SH3RF3: variants seen among roughly 807,000 people sequenced by gnomAD.
SH3RF3 encodes SH3 domain containing ring finger 3, also known as E3 ubiquitin-protein ligase SH3RF3.
Under a neutral mutation model 66.3 loss-of-function variants are expected in SH3RF3, and 29 were observed. The observed-to-expected ratio is 0.44, with a 90% CI of 0.33 to 0.60. The LOEUF (loss-of-function observed/expected upper bound fraction) is 0.60. SH3RF3 is among the 20% of genes least tolerant of loss of function. The pLI is 0.04. For synonymous variants in SH3RF3, 583 were observed against 532.0 expected (o/e 1.10, Z -1.32); for missense variants, 1,194 against 1,190.9 (o/e 1.00, Z -0.04).
intron 9 of SH3RF3, among the ~76,000 whole-genome samples, chr2:109,493,642 A>G (rs1254211139): frequency 1.3e-5 from 2 of 151,634 alleles, no homozygotes; most frequent in Admixed American, 1.3e-4. Context: ...TGCTGCAAAC[A>G]CACACCATAC....
chr2:109,184,023 GT>G (rs1179452590), intron 1 of SH3RF3, among the ~76,000 whole-genome samples: 11 of 152,236 alleles, frequency 7.2e-5, no homozygotes, highest in Admixed American at 7.2e-4. Context: ...GAGTGACACG[GT>G]GTGTGTTGAG....
chr2:109,277,456 C>T (rs576179321), intron 1 of SH3RF3, among the ~76,000 whole-genome samples: 2 of 152,194 alleles, frequency 1.3e-5, no homozygotes, highest in African/African-American at 2.4e-5. Context: ...TAGTATCTCC[C>T]GTGAAGAGTC....
intron 5 of SH3RF3, among the ~76,000 whole-genome samples, chr2:109,422,956 G>C (rs1331312006): frequency 6.6e-6 from 1 of 152,114 alleles, no homozygotes; most frequent in Admixed American, 6.5e-5. Context: ...AGACCGACAC[G>C]CCTGGGTCTG....
intron 1 of SH3RF3, among the ~76,000 whole-genome samples, chr2:109,300,814 A>G (rs989533940): frequency 4.6e-5 from 7 of 152,286 alleles, no homozygotes; most frequent in Admixed American, 3.9e-4. Flanking sequence ...CTAGAGTGTC[A>G]TTACCACAGT....
intron 1 of SH3RF3, among the ~76,000 whole-genome samples, chr2:109,332,175 C>T (rs139235446): frequency 4.6e-5 from 7 of 152,258 alleles, no homozygotes; most frequent in South Asian, 2.1e-4. Flanking sequence ...GAAGCATCTG[C>T]GGCCCGGAGC....
rs375235077 is a variant in SH3RF3 at position 109,347,972 on chromosome 2, C to T, written c.849+23C>T. The T allele has an allele frequency of 3.8e-6, 6 of 1,576,576 alleles. No homozygotes were observed. In the African/African-American group the frequency reaches 8.1e-5, roughly 21 times the overall value. ...AAGGTAAGGTGAGCCCCGGGGTGGG[C>T]CCCGCCAGCCCATGCAGCCTCTGTG... On this transcript the variant is annotated intron_variant, in intron 2 of 9. Transcript: ENST00000309415.
intron 7 of SH3RF3, among the ~76,000 whole-genome samples, chr2:109,448,655 C>T (rs2104631167): frequency 6.6e-6 from 1 of 152,238 alleles, no homozygotes; most frequent in South Asian, 2.1e-4. Context: ...GCTCAGGGGT[C>T]CTACTGATTC....
chr2:109,187,948 C>A (rs1221707463), intron 1 of SH3RF3, among the ~76,000 whole-genome samples: 1 of 152,190 alleles, frequency 6.6e-6, no homozygotes, highest in Non-Finnish European at 1.5e-5. Context: ...CTCAGAGCAG[C>A]CCGTCTTTGG....
chr2:109,130,099 G>T lies in SH3RF3; in HGVS notation c.559G>T (p.Ala187Ser). ...SLRELATSRTAPAAKNPCLLP... is the reference protein window; with the variant it reads ...SLRELATSRTSPAAKNPCLLP... ...GCGGGAGCTGGCGACCAGCAGGACC[G>T]CGCCGGCGGCAAAGGTGAGTATCTG... is the stretch of plus-strand genomic sequence containing the variant. Residue 187 changes from alanine to serine, a missense_variant, in exon 1 of 10, where the codon GCG becomes TCG. Ala to Ser is a moderately conservative substitution (Grantham distance 99). Coordinates refer to ENST00000309415, the MANE Select transcript of SH3RF3 (RefSeq NM_001099289.3). 7.5e-7 allele frequency: 1 copy of T among 1,335,324 alleles called. No homozygotes were observed. Among genetic ancestry groups the T allele is most frequent in the Non-Finnish European group, 9.6e-7 (1 of 1,046,942 alleles). 82.7% of individuals were successfully genotyped at this position (1,335,324 alleles called of 1,614,324 possible). A position where few individuals can be genotyped will look rare whatever the true frequency, so the allele number is the denominator to read the frequency against.
chr2:109,423,664 C>G (rs1254562067), intron 5 of SH3RF3, among the ~76,000 whole-genome samples: 2 of 152,220 alleles, frequency 1.3e-5, no homozygotes, highest in Non-Finnish European at 2.9e-5. Context: ...GTACTGCCCC[C>G]AAGAGGTGTC....
At chr2:109,251,749 T>C (rs1680097271) in intron 1 of SH3RF3, 1 of 618,638 alleles carries the variant, frequency 1.6e-6, no homozygotes, top group Non-Finnish European at 2.9e-6. Context: ...ATTAGACTTT[T>C]TGTTAAATAA....
intron 1 of SH3RF3, among the ~76,000 whole-genome samples, chr2:109,255,978 C>T (rs1194684878): frequency 6.6e-6 from 1 of 152,220 alleles, no homozygotes; most frequent in African/African-American, 2.4e-5. Flanking sequence ...CACCTGTCCC[C>T]TGAGGAAGAT....
At chr2:109,434,048 C>G (rs940944904) in intron 6 of SH3RF3, among the ~76,000 whole-genome samples, 9 of 152,208 alleles carry the variant, frequency 5.9e-5, no homozygotes, top group Non-Finnish European at 1.2e-4. Context: ...AACAGGTTGG[C>G]TCTCTCAGCC....
Position 109,490,640 on chromosome 2 carries a change from C to A in SH3RF3, c.2184C>A (p.Ala728=). The A allele has an allele frequency of 1.3e-6, 2 of 1,493,024 alleles. No homozygotes were observed. Among genetic ancestry groups the A allele is most frequent in the Admixed American group, 2.2e-5 (1 of 46,002 alleles). 92.5% of individuals were successfully genotyped at this position (1,493,024 alleles called of 1,614,324 possible). A position where few individuals can be genotyped will look rare whatever the true frequency, so the allele number is the denominator to read the frequency against. The change falls in exon 9 of 10, where the codon GCC becomes GCA. Residue 728 remains alanine, a synonymous_variant. Transcript: ENST00000309415. The part of the protein sequence containing the change: ...EKKSGLLKLL[A]GASTKKKSRS... ...AGAGTGGGCTCCTGAAGCTTCTAGC[C>A]GGAGCATCCACCAAGAAGAAGTCAC... is the stretch of plus-strand genomic sequence containing the variant.
At chr2:109,435,333 TC>T (rs1677369924) in intron 6 of SH3RF3, among the ~76,000 whole-genome samples, 2 of 152,346 alleles carry the variant, frequency 1.3e-5, no homozygotes, top group South Asian at 4.1e-4. Context: ...ACTTATACTT[TC>T]TTGATCCCTA....
intron 4 of SH3RF3, among the ~76,000 whole-genome samples, chr2:109,418,544 C>A (rs1387248360): frequency 6.6e-6 from 1 of 152,158 alleles, no homozygotes; most frequent in Non-Finnish European, 1.5e-5. Context: ...CTCACATGGG[C>A]TTCCTTCCCC....
chr2:109,190,506 G>A (rs1678323614), intron 1 of SH3RF3, among the ~76,000 whole-genome samples: 1 of 152,216 alleles, frequency 6.6e-6, no homozygotes, highest in Admixed American at 6.5e-5. Context: ...TTTCCGATGG[G>A]TTGTAATCTT....
At chr2:109,469,813 G>C (rs181523951) in intron 8 of SH3RF3, among the ~76,000 whole-genome samples, 81 of 152,344 alleles carry the variant, frequency 5.3e-4, no homozygotes, top group African/African-American at 1.7e-3. Flanking sequence ...TCAGAAGGTA[G>C]ATCCGAATTT....
At chr2:109,432,451 C>T (rs1677258883) in intron 5 of SH3RF3, 50 bp from the exon 6 acceptor site, 13 of 1,603,992 alleles carry the variant, frequency 8.1e-6, no homozygotes, top group Non-Finnish European at 1.0e-5. Context: ...GGCCGGTCCC[C>T]TATCCCCAGG....
Sources: gnomAD v4.1 joint callset for allele counts (sites outside exome capture counted in the v4.1 genomes callset) on GRCh38, gnomAD v4.1.1 for gene constraint, MANE v1.5 for transcripts, NCBI Gene and HGNC (gene_info 2026-07-23, HGNC 2026-07-21) for gene names.